Variants in FER1L6 observed in about 807,000 individuals in gnomAD.
The protein encoded by FER1L6 is fer-1 like family member 6.
Under a neutral mutation model 219.2 loss-of-function variants are expected in FER1L6, and 177 were observed. That is an observed-to-expected ratio of 0.81 (90% CI 0.71 to 0.91). The LOEUF (loss-of-function observed/expected upper bound fraction) is 0.91. Among genes scored for constraint, FER1L6 ranks in the 40% least tolerant of loss-of-function variants. The pLI, the probability that FER1L6 is intolerant of heterozygous loss-of-function variation, is 0.00. For missense variants in FER1L6, 2,153 were observed against 2,259.9 expected, an observed-to-expected ratio of 0.95 and a Z score of 0.96; for synonymous variants, 768 against 824.3, an observed-to-expected ratio of 0.93 and a Z score of 1.17.
chr8:124,115,490 C>T (rs1167037385), intron 39 of FER1L6, among the ~76,000 whole-genome samples: 1 of 152,142 alleles, frequency 6.6e-6, no homozygotes, highest in African/African-American at 2.4e-5. Flanking sequence ...TGACACCTAT[C>T]TCTAGGACAG....
chr8:123,900,121 C>T (rs111935602), intron 1 of FER1L6, among the ~76,000 whole-genome samples: 9 of 152,238 alleles, frequency 5.9e-5, no homozygotes, highest in African/African-American at 2.2e-4. Context: ...TTCTACCCAT[C>T]CATGAGCATG....
intron 1 of FER1L6, among the ~76,000 whole-genome samples, chr8:123,939,582 G>A (rs1814146945): frequency 6.6e-6 from 1 of 152,186 alleles, no homozygotes; most frequent in Non-Finnish European, 1.5e-5. Flanking sequence ...TTCTAAGAAA[G>A]TTTCCTGCAG....
intron 1 of FER1L6, among the ~76,000 whole-genome samples, chr8:123,941,327 T>C (rs755416697): frequency 2.6e-5 from 4 of 152,124 alleles, no homozygotes; most frequent in African/African-American, 4.8e-5. Flanking sequence ...GAATGTGATG[T>C]TAAGTGGCCC....
At chr8:123,969,136 C>T (rs1815685271) in intron 5 of FER1L6, among the ~76,000 whole-genome samples, 1 of 152,126 alleles carries the variant, frequency 6.6e-6, no homozygotes. Context: ...GGTTTGGTCC[C>T]AGACCCAACA....
chr8:123,973,607 C>A (rs1815921227), intron 7 of FER1L6, 95 bp downstream of exon 7: 3 of 883,034 alleles, frequency 3.4e-6, no homozygotes, highest in Non-Finnish European at 5.8e-6. Flanking sequence ...TGTGACCATT[C>A]ATTCAATAAC....
At chr8:123,926,499 G>C (rs1813569754) in intron 1 of FER1L6, among the ~76,000 whole-genome samples, 1 of 152,188 alleles carries the variant, frequency 6.6e-6, no homozygotes, top group Admixed American at 6.5e-5. Context: ...GAGCGGGCAG[G>C]ATGTAAGTTC....
intron 3 of FER1L6, among the ~76,000 whole-genome samples, chr8:123,964,659 T>G (rs1386237772): frequency 6.6e-6 from 1 of 152,196 alleles, no homozygotes; most frequent in Non-Finnish European, 1.5e-5. Flanking sequence ...GTGATAGCAT[T>G]GAGTGGAGGA....
chr8:123,965,089 C>T (rs559493776), intron 3 of FER1L6, among the ~76,000 whole-genome samples: 6 of 152,320 alleles, frequency 3.9e-5, no homozygotes, highest in South Asian at 2.1e-4. Flanking sequence ...CCTGCATTGT[C>T]TCCTTGGGTC....
chr8:124,068,220 C>G (rs1820905772), intron 28 of FER1L6, among the ~76,000 whole-genome samples: 1 of 152,150 alleles, frequency 6.6e-6, no homozygotes, highest in East Asian at 1.9e-4. Context: ...ACCACAAACT[C>G]AATTCAAGCC....
intron 1 of FER1L6, among the ~76,000 whole-genome samples, chr8:123,930,589 T>C (rs1813729813): frequency 6.6e-6 from 1 of 152,138 alleles, no homozygotes. Context: ...ACTAATCTCC[T>C]GTGCTCAGGG....
chr8:124,076,964 A>G (rs920795870), intron 32 of FER1L6, among the ~76,000 whole-genome samples: 1 of 152,190 alleles, frequency 6.6e-6, no homozygotes, highest in Non-Finnish European at 1.5e-5. Flanking sequence ...GTGTAAGGGG[A>G]CTAGGCATTC....
chr8:124,039,912 T>G lies in FER1L6; in HGVS notation c.2495T>G (p.Met832Arg). Residue 832 changes from methionine to arginine, a missense_variant, in exon 20 of 41, where the codon ATG becomes AGG. Transcript: ENST00000522917. Reference sequence around the variant, plus strand: ...CATGTTTTTCAGCTGAGGGCTCACATGTACCAAGCCCGGGGCCTCATCGCA... The same window carrying G: ...CATGTTTTTCAGCTGAGGGCTCACAGGTACCAAGCCCGGGGCCTCATCGCA... ...EQHVFQLRAH[M>R]YQARGLIAAD... The G allele has an allele frequency of 6.2e-7, 1 of 1,614,112 alleles. No homozygotes were observed.
chr8:124,049,587 T>C lies in FER1L6; in HGVS notation c.2725-20T>C, dbSNP rs1408747510. 1 of 1,613,168 alleles carries C rather than the reference T, an allele frequency of 6.2e-7. No homozygotes were observed. Among genetic ancestry groups the C allele is most frequent in the South Asian group, 1.1e-5 (1 of 91,016 alleles). On this transcript the variant is annotated intron_variant, in intron 21 of 40. Coordinates refer to ENST00000522917, the MANE Select transcript of FER1L6 (RefSeq NM_001039112.2). ...TAATTAATGATCAGGAAATACAAAC[T>C]CATTTCTTTTCTTCTTTAGGGGAAG... is the stretch of plus-strand genomic sequence containing the variant.
chr8:123,906,808 GA>G (rs11350871), intron 1 of FER1L6, among the ~76,000 whole-genome samples: 37,845 of 137,030 alleles, frequency 0.28, 5,019 homozygotes, highest in East Asian at 0.46. Flanking sequence ...ATCTCCGGAA[GA>G]AAAAAAAAAA....
Position 124,119,805 on chromosome 8 carries a change from C to T in FER1L6, c.*15C>T, listed in dbSNP as rs775211772. ...TGGGCTCATAGAGGATCATGGAGGA[C>T]CCAGATCCTCGCCATATACTAATCC... On this transcript the variant is annotated 3_prime_UTR_variant, in exon 41 of 41. Transcript: ENST00000522917. 6.8e-6 allele frequency: 11 copies of T among 1,611,480 alleles called. No individual in the cohort carries two copies. The highest frequency in any genetic ancestry group is 1.3e-5 in the African/African-American group (1 of 74,816).
Position 124,045,811 on chromosome 8 carries a change from G to C in FER1L6, c.2634G>C (p.Leu878=). The C allele has an allele frequency of 1.9e-6, 3 of 1,614,112 alleles. No individual in the cohort carries two copies. The highest frequency in any genetic ancestry group is 2.2e-5 in the East Asian group (1 of 44,882). ...TLSPTWNQML[L]FNDLVLHGDV... ...CTCCGACCTGGAACCAGATGCTGCT[G>C]TTCAATGATTTGGTGCTGCATGGAG... The change falls in exon 21 of 41, where the codon CTG becomes CTC. Residue 878 remains leucine (L), a synonymous_variant. Transcript: ENST00000522917.
Position 124,091,682 on chromosome 8 carries a change from T to C in FER1L6, c.4552+99T>C, listed in dbSNP as rs996261358. 1.7e-5 allele frequency: 22 copies of C among 1,317,312 alleles called. No homozygotes were observed. In the East Asian group the frequency reaches 2.3e-4, roughly 14 times the overall value. 81.6% of individuals were successfully genotyped at this position (1,317,312 alleles called of 1,614,324 possible). The stretch of plus-strand genomic sequence containing the variant: ...ATGGGACATCTAATTATAAAAGTAA[T>C]GTGGCCAGGCACAGTGGCTCACGTC... On this transcript the variant is annotated intron_variant, in intron 34 of 40. Transcript: ENST00000522917.
At position 124,119,933 on chromosome 8, in the gene FER1L6, A is replaced by T; in HGVS notation, c.*143A>T. On this transcript the variant is annotated 3_prime_UTR_variant, in exon 41 of 41. Coordinates refer to ENST00000522917, the MANE Select transcript of FER1L6 (RefSeq NM_001039112.2). ...CCTTCTTGGAAGAGATGGAAAAGAA[A>T]CATTTCCTCCCTGCTCCAACCCCTG... 3 of 837,058 alleles carry T rather than the reference A, an allele frequency of 3.6e-6. No homozygotes were observed. Among genetic ancestry groups the T allele is most frequent in the South Asian group, 2.6e-5 (1 of 38,836 alleles). 51.9% of individuals were successfully genotyped at this position (837,058 alleles called of 1,614,324 possible).
At chr8:124,071,710 G>A in intron 31 of FER1L6, 79 bp downstream of exon 31, 1 of 1,489,064 alleles carries the variant, frequency 6.7e-7, no homozygotes, top group Non-Finnish European at 9.1e-7. Flanking sequence ...CAGACTGGGA[G>A]GCTTAAACAA....
Sources: allele counts gnomAD v4.1 joint callset (sites outside exome capture counted in the v4.1 genomes callset), GRCh38; gene constraint gnomAD v4.1.1; transcripts MANE v1.5; gene names NCBI Gene and HGNC (gene_info 2026-07-23, HGNC 2026-07-21).